Variants in CPLANE1 observed in about 807,000 individuals in gnomAD.
CPLANE1 encodes the protein ciliogenesis and planar polarity effector 1.
Under a neutral mutation model 362.5 loss-of-function variants are expected in CPLANE1, and 263 were observed. The ratio of observed to expected loss-of-function variants is 0.73; its 90% CI spans 0.66 to 0.80. The LOEUF (loss-of-function observed/expected upper bound fraction) is 0.80. Among genes scored for constraint, CPLANE1 ranks in the 30% least tolerant of loss-of-function variants. The probability of loss-of-function intolerance (pLI) is 0.00; values close to 1 mark genes in which losing one functional copy is unlikely to be tolerated. For missense variants in CPLANE1, 3,461 were observed against 3,793.4 expected, an observed-to-expected ratio of 0.91 and a Z score of 2.30; for synonymous variants, 1,212 against 1,302.6, an observed-to-expected ratio of 0.93 and a Z score of 1.50.
chr5:37,090,569 T>A, the CPLANE1 span, among the ~76,000 whole-genome samples: 1 of 152,206 alleles, frequency 6.6e-6, no homozygotes, highest in Non-Finnish European at 1.5e-5. Context: ...TTATTTCTTA[T>A]CTCATACCCT....
At chr5:37,147,971 C>CAAAAAAAAAAAAAAA (rs11284644) in intron 43 of CPLANE1, among the ~76,000 whole-genome samples, 3 of 15,312 alleles carry the variant, frequency 2.0e-4, no homozygotes, top group Non-Finnish European at 5.5e-4. Context: ...ACTGCCTTCT[C>CAAAAAAAAAAAAAAA]AAAAAAAAAA....
intron 21 of CPLANE1, 144 bp from the exon 22 acceptor site, chr5:37,187,986 T>A (rs1159413391): frequency 2.1e-6 from 1 of 479,886 alleles, no homozygotes; most frequent in Non-Finnish European, 3.6e-6. Flanking sequence ...CATTGTAAAT[T>A]TATATAAAAG....
At chr5:37,086,761 T>G in the CPLANE1 span, among the ~76,000 whole-genome samples, 2 of 152,154 alleles carry the variant, frequency 1.3e-5, no homozygotes, top group Non-Finnish European at 2.9e-5. Flanking sequence ...GCACTCTTCT[T>G]AGAGTCTGTA....
intron 47 of CPLANE1, among the ~76,000 whole-genome samples, chr5:37,123,102 T>C (rs566871117): frequency 3.3e-5 from 5 of 152,284 alleles, no homozygotes; most frequent in Non-Finnish European, 5.9e-5. Flanking sequence ...AAAGCAGAAA[T>C]TAGACATTTA....
At chr5:37,142,944 C>T (rs1770244452) in intron 43 of CPLANE1, among the ~76,000 whole-genome samples, 1 of 152,166 alleles carries the variant, frequency 6.6e-6, no homozygotes, top group Non-Finnish European at 1.5e-5. Flanking sequence ...CACTGAAGGA[C>T]AGCTTTGTCC....
intron 18 of CPLANE1, among the ~76,000 whole-genome samples, chr5:37,202,230 C>T (rs1394441931): frequency 4.0e-5 from 6 of 150,786 alleles, no homozygotes; most frequent in Non-Finnish European, 8.8e-5. Flanking sequence ...GGCAGGATCT[C>T]GGCTCACTGC....
chr5:37,138,932 G>T, intron 45 of CPLANE1, 84 bp from the exon 46 acceptor site: 1 of 1,198,020 alleles, frequency 8.3e-7, no homozygotes, highest in South Asian at 1.5e-5. Context: ...TGTAACAAAT[G>T]AACACAAAAT....
At chr5:37,169,719 C>G (rs1375785724) in intron 33 of CPLANE1, among the ~76,000 whole-genome samples, 158 bp from the exon 34 acceptor site, 7 of 151,754 alleles carry the variant, frequency 4.6e-5, no homozygotes, top group Admixed American at 1.3e-4. Context: ...TTGAACTACT[C>G]AGGACATTAT....
intron 42 of CPLANE1, among the ~76,000 whole-genome samples, chr5:37,151,023 C>CA (rs1307963962): frequency 6.6e-6 from 1 of 152,200 alleles, no homozygotes; most frequent in Non-Finnish European, 1.5e-5. Context: ...AATATCCCTT[C>CA]ACTGTTTAAA....
In CPLANE1 at chr5:37,224,699, C is replaced by G; in HGVS notation, c.2333G>C (p.Trp778Ser). The G allele has an allele frequency of 6.4e-7, 1 of 1,551,438 alleles. No individual in the cohort carries two copies. The highest frequency in any genetic ancestry group is 2.0e-5 in the Admixed American group (1 of 50,994). The stretch of plus-strand genomic sequence containing the variant: ...TCTTCGATTTAATTGTGCTTGATAC[C>G]ATAAAGTTTTTTTGTACAGTATTCT... Reference protein sequence around the residue: ...LWRILYKKTLWYQAQLNRRVP... With the variant: ...LWRILYKKTLSYQAQLNRRVP... Residue 778 changes from tryptophan (W) to serine (S), a missense_variant, in exon 13 of 53, where the codon TGG (tryptophan) becomes TCG (serine). Physicochemically the swap from Trp to Ser is radical, Grantham distance 177 (BLOSUM62 -3). Around this residue, in one of 2 missense-constraint regions of CPLANE1, gnomAD observed 3,380 missense variants for 3,666.1 expected, o/e 0.92. Transcript: ENST00000651892.
chr5:37,244,689 A>AAG, intron 4 of CPLANE1, 82 bp from the exon 5 acceptor site: 1 of 828,168 alleles, frequency 1.2e-6, no homozygotes, highest in African/African-American at 1.7e-5. Context: ...GTATTCTTAC[A>AAG]ATAAAAAAAA....
rs762919499 is a variant in CPLANE1, at chr5:37,184,782, T to C, written c.4481+6A>G. On this transcript the variant is annotated splice_donor_region_variant and intron_variant, in intron 25 of 52. Coordinates refer to ENST00000651892, the MANE Select transcript of CPLANE1 (RefSeq NM_001384732.1). ...AATGCCAGTGATTAAAAGATCTCAA[T>C]TGTACCTTTGATAGATATTTATCCT... The C allele has an allele frequency of 7.4e-5, 119 of 1,604,528 alleles. 1 individual carries two copies. The highest frequency in any genetic ancestry group is 6.9e-5 in the Non-Finnish European group (81 of 1,175,754).
chr5:37,184,842 G>A lies in CPLANE1; in HGVS notation c.4427C>T (p.Thr1476Met), dbSNP rs1396140286. 20 of 1,613,730 alleles carry A rather than the reference G, an allele frequency of 1.2e-5. No homozygotes were observed. The highest frequency in any genetic ancestry group is 3.3e-5 in the Admixed American group (2 of 59,972). Residue 1476 changes from threonine (T) to methionine (M), a missense_variant, in exon 25 of 53, where the codon ACG becomes ATG. Around this residue, in one of 2 missense-constraint regions of CPLANE1, gnomAD observed 3,380 missense variants for 3,666.1 expected, o/e 0.92. Coordinates refer to ENST00000651892, the MANE Select transcript of CPLANE1 (RefSeq NM_001384732.1). ...TTCAACCGACAAAGCTTCAGAGAAC[G>A]TATCTGCATCACTGTGAACCACAGA... The part of the protein sequence containing the change: ...GDSVVHSDAD[T>M]FSEALSVEEK...
intron 16 of CPLANE1, chr5:37,211,580 C>A: frequency 9.9e-7 from 1 of 1,011,252 alleles, no homozygotes; most frequent in Non-Finnish European, 1.6e-6. Context: ...CCTCCACACC[C>A]CTTCCAAAAG....
chr5:37,157,536 C>A, intron 40 of CPLANE1, 116 bp from the exon 41 acceptor site: 3 of 1,099,782 alleles, frequency 2.7e-6, no homozygotes, highest in Admixed American at 2.0e-5. Flanking sequence ...ATTAACAGAA[C>A]ATTTCTGTGC....
At chr5:37,112,987 T>G (rs192179021) in intron 51 of CPLANE1, among the ~76,000 whole-genome samples, 1 of 152,310 alleles carries the variant, frequency 6.6e-6, no homozygotes, top group Admixed American at 6.5e-5. Flanking sequence ...AACATTGTAT[T>G]TGGGGAGCAT....
At chr5:37,231,286 A>C (rs1459022007) in intron 8 of CPLANE1, among the ~76,000 whole-genome samples, 1 of 152,190 alleles carries the variant, frequency 6.6e-6, no homozygotes, top group Non-Finnish European at 1.5e-5. Flanking sequence ...CAATTAAAAA[A>C]CGAAAATATT....
chr5:37,194,695 G>A (rs987695407), intron 21 of CPLANE1, among the ~76,000 whole-genome samples: 3 of 145,302 alleles, frequency 2.1e-5, no homozygotes, highest in African/African-American at 7.7e-5. Context: ...CTCTCACTAC[G>A]TTGCCCAGGC....
At chr5:37,175,687 T>C (rs891382211) in intron 31 of CPLANE1, among the ~76,000 whole-genome samples, 2 of 152,264 alleles carry the variant, frequency 1.3e-5, no homozygotes, top group Admixed American at 1.3e-4. Flanking sequence ...ACATAGTTCC[T>C]GTGTAACTTT....
Sources: gnomAD v4.1 joint callset for allele counts (sites outside exome capture counted in the v4.1 genomes callset) on GRCh38, gnomAD v4.1.1 for gene constraint, gnomAD v4.1.1 regional missense constraint, MANE v1.5 for transcripts, NCBI Gene and HGNC (gene_info 2026-07-23, HGNC 2026-07-21) for gene names.